The following FYB1 variants were observed in gnomAD, a reference collection of about 807,000 sequenced individuals.
FYB1 encodes FYN-binding protein 1.
In FYB1, 41 loss-of-function variants were observed where a neutral mutation model predicts 94.1. That is an observed-to-expected ratio of 0.44 (90% CI 0.34 to 0.57). The LOEUF (loss-of-function observed/expected upper bound fraction) is 0.57, where lower values mean the gene tolerates loss of function less well. FYB1 is among the 20% of genes least tolerant of loss of function. The probability of loss-of-function intolerance (pLI) is 0.02; values close to 1 mark genes in which losing one functional copy is unlikely to be tolerated. For missense variants in FYB1, 1,050 were observed against 976.8 expected (o/e 1.07, Z -1.00); for synonymous variants, 367 against 353.2 (o/e 1.04, Z -0.44).
At chr5:39,225,838 A>G (rs1385210083) in intron 1 of FYB1, among the ~76,000 whole-genome samples, 1 of 152,236 alleles carries the variant, frequency 6.6e-6, no homozygotes, top group Non-Finnish European at 1.5e-5. Flanking sequence ...AAGTAGGCAA[A>G]GCATACAGGG....
Position 39,270,885 on chromosome 5 carries a change from A to G in FYB1, c.-28+3518T>C, listed in dbSNP as rs1303002087. ...ACCTAGATATTAAATTTTGCTATAC[A>G]TTATTAATGTTTTATATAACTTCTA... On this transcript the variant is annotated intron_variant, in intron 1 of 1. Coordinates refer to the FYB1 transcript ENST00000510188. The G allele has an allele frequency of 3.0e-5, 10 of 332,506 alleles. No homozygotes were observed. The Admixed American group carries it at 4.4e-4, about 15-fold the overall frequency. The allele number at this position is 332,506 out of a possible 1,614,324, so 20.6% of individuals were successfully genotyped here. A position where few individuals can be genotyped will look rare whatever the true frequency, so the allele number is the denominator to read the frequency against.
At chr5:39,266,712 A>T (rs569506477) in intron 1 of FYB1, among the ~76,000 whole-genome samples, 19 of 152,308 alleles carry the variant, frequency 1.2e-4, no homozygotes, top group African/African-American at 4.3e-4. Context: ...GGATCCTGGG[A>T]TAAAGAACCA....
At chr5:39,130,257 G>T (rs987287088) in intron 10 of FYB1, among the ~76,000 whole-genome samples, 2 of 152,036 alleles carry the variant, frequency 1.3e-5, no homozygotes, top group African/African-American at 4.8e-5. Context: ...TGAGAGGGAT[G>T]TAAGAATGTG....
chr5:39,194,735 G>C (rs1747677814), intron 2 of FYB1, among the ~76,000 whole-genome samples: 1 of 152,190 alleles, frequency 6.6e-6, no homozygotes, highest in South Asian at 2.1e-4. Context: ...TTTGACCAGG[G>C]ACAGTGTGGT....
chr5:39,158,252 C>T (rs561779305), intron 2 of FYB1, among the ~76,000 whole-genome samples: 20 of 152,242 alleles, frequency 1.3e-4, no homozygotes, highest in South Asian at 2.1e-4. Flanking sequence ...GCACAAGTCA[C>T]GTTCCCCTGC....
chr5:39,214,060 C>A (rs955768749), intron 1 of FYB1, among the ~76,000 whole-genome samples: 1 of 152,002 alleles, frequency 6.6e-6, no homozygotes, highest in African/African-American at 2.4e-5. Flanking sequence ...ATGAAACACA[C>A]CAAAACCCTT....
At chr5:39,189,860 G>T (rs1485431733) in intron 2 of FYB1, among the ~76,000 whole-genome samples, 1 of 152,226 alleles carries the variant, frequency 6.6e-6, no homozygotes, top group Non-Finnish European at 1.5e-5. Flanking sequence ...GGAAACTGCT[G>T]AGTCCTTGTT....
intron 2 of FYB1, among the ~76,000 whole-genome samples, chr5:39,190,553 G>A (rs1396366041): frequency 6.6e-6 from 1 of 152,076 alleles, no homozygotes; most frequent in Non-Finnish European, 1.5e-5. Context: ...CTCCCCATGA[G>A]GACTAAGAAC....
At chr5:39,261,725 C>T (rs1329559106) in intron 1 of FYB1, among the ~76,000 whole-genome samples, 2 of 151,632 alleles carry the variant, frequency 1.3e-5, no homozygotes, top group Non-Finnish European at 2.9e-5. Context: ...CCAGCCTGGG[C>T]AACAAGGCGA....
chr5:39,154,514 T>C (rs1046100004), intron 2 of FYB1, among the ~76,000 whole-genome samples: 1 of 151,624 alleles, frequency 6.6e-6, no homozygotes, highest in Admixed American at 6.6e-5. Flanking sequence ...CTTTTTTTTT[T>C]TTTTCCTTGT....
At chr5:39,212,069 G>T (rs551797058) in intron 1 of FYB1, among the ~76,000 whole-genome samples, 1 of 152,326 alleles carries the variant, frequency 6.6e-6, no homozygotes, top group South Asian at 2.1e-4. Context: ...AATTGGAGAA[G>T]CTGAGGCAGG....
At chr5:39,152,339 A>G (rs904979534) in intron 3 of FYB1, among the ~76,000 whole-genome samples, 4 of 152,140 alleles carry the variant, frequency 2.6e-5, no homozygotes, top group African/African-American at 9.7e-5. Context: ...CTTTCCCTAA[A>G]TTGTAGTCAT....
At chr5:39,269,297 C>T (rs1439239045) in intron 1 of FYB1, among the ~76,000 whole-genome samples, 1 of 152,194 alleles carries the variant, frequency 6.6e-6, no homozygotes. Context: ...GATCCGCCTG[C>T]CTCGGCCTCC....
At chr5:39,176,957 C>T (rs906581435) in intron 2 of FYB1, among the ~76,000 whole-genome samples, 2 of 152,144 alleles carry the variant, frequency 1.3e-5, no homozygotes, top group African/African-American at 2.4e-5. Context: ...TTTCCAGAGA[C>T]TGGGGGGTTA....
intron 1 of FYB1, among the ~76,000 whole-genome samples, chr5:39,259,071 C>T (rs1165014975): frequency 2.0e-5 from 3 of 151,874 alleles, no homozygotes; most frequent in Admixed American, 6.6e-5. Context: ...GGGGATTTTG[C>T]CCCCTCACAC....
intron 2 of FYB1, among the ~76,000 whole-genome samples, chr5:39,173,328 A>G (rs1437965466): frequency 6.6e-6 from 1 of 152,034 alleles, no homozygotes; most frequent in Non-Finnish European, 1.5e-5. Flanking sequence ...CTCCTTGTAG[A>G]TTCTGGATAT....
chr5:39,233,224 C>T (rs1345482), intron 1 of FYB1, among the ~76,000 whole-genome samples: 25,623 of 151,984 alleles, frequency 0.17, 5,762 homozygotes, highest in African/African-American at 0.5. Context: ...GGCAAATAAA[C>T]GGTTTGGTTT....
chr5:39,150,282 T>C (rs998846961), intron 3 of FYB1, among the ~76,000 whole-genome samples: 11 of 152,294 alleles, frequency 7.2e-5, no homozygotes, highest in Admixed American at 7.2e-4. Flanking sequence ...AAGCTCTGTT[T>C]TAATCTTTAC....
At chr5:39,259,237 G>A (rs998402477) in intron 1 of FYB1, among the ~76,000 whole-genome samples, 6 of 152,214 alleles carry the variant, frequency 3.9e-5, no homozygotes, top group Admixed American at 1.3e-4. Context: ...CTAGCTGGTA[G>A]AGACCAGAGA....
Sources: allele counts gnomAD v4.1 joint callset (sites outside exome capture counted in the v4.1 genomes callset), GRCh38; gene constraint gnomAD v4.1.1; transcripts MANE v1.5; gene names NCBI Gene and HGNC (gene_info 2026-07-23, HGNC 2026-07-21).